The following RSPRY1 variants were observed in gnomAD, a reference collection of about 807,000 sequenced individuals.
The protein encoded by RSPRY1 is ring finger and SPRY domain containing 1.
In RSPRY1, 23 loss-of-function variants were observed where a neutral mutation model predicts 73.1. The observed-to-expected ratio is 0.31, with a 90% CI of 0.23 to 0.45. The LOEUF (loss-of-function observed/expected upper bound fraction) is 0.45. Ranked by LOEUF, RSPRY1 falls within the 20% of genes least tolerant of loss-of-function variation. The pLI, the probability that RSPRY1 is intolerant of heterozygous loss-of-function variation, is 1.00. For synonymous variants in RSPRY1, 226 were observed against 251.4 expected, an observed-to-expected ratio of 0.90 and a Z score of 0.95; for missense variants, 448 against 698.7, an observed-to-expected ratio of 0.64 and a Z score of 4.05.
intron 5 of RSPRY1, among the ~76,000 whole-genome samples, chr16:57,213,323 T>G (rs2074879928): frequency 6.6e-6 from 1 of 152,162 alleles, no homozygotes; most frequent in Non-Finnish European, 1.5e-5. Context: ...AGAAAAAAGT[T>G]GTGCTTATTT....
At chr16:57,225,981 G>A (rs2075114973) in intron 10 of RSPRY1, among the ~76,000 whole-genome samples, 1 of 152,190 alleles carries the variant, frequency 6.6e-6, no homozygotes, top group South Asian at 2.1e-4. Flanking sequence ...AGGAGGCTGA[G>A]GCAGGAGAAT....
intron 1 of RSPRY1, among the ~76,000 whole-genome samples, chr16:57,191,761 G>A (rs765896878): frequency 2.6e-5 from 4 of 152,096 alleles, no homozygotes; most frequent in Non-Finnish European, 5.9e-5. Context: ...AGATTCTCTA[G>A]TCCCCTTTTG....
chr16:57,214,672 C>T (rs1471320757), intron 6 of RSPRY1, among the ~76,000 whole-genome samples: 1 of 152,236 alleles, frequency 6.6e-6, no homozygotes, highest in African/African-American at 2.4e-5. Flanking sequence ...CAAAACTACT[C>T]AGACAAGGTA....
intron 1 of RSPRY1, among the ~76,000 whole-genome samples, chr16:57,201,313 T>A (rs1432919478): frequency 1.2e-4 from 17 of 141,944 alleles, no homozygotes; most frequent in African/African-American, 5.0e-4. Flanking sequence ...GTCTCCTCAC[T>A]TCTCAGACGG....
In RSPRY1 at chr16:57,238,951, C is replaced by G; in HGVS notation, c.1707C>G (p.Ile569Met). The G allele has an allele frequency of 6.2e-7, 1 of 1,603,092 alleles. No individual in the cohort carries two copies. The highest frequency in any genetic ancestry group is 8.5e-7 in the Non-Finnish European group (1 of 1,172,654). Residue 569 changes from isoleucine (I) to methionine (M), a missense_variant, in exon 15 of 15, where the codon ATC (isoleucine) becomes ATG (methionine). Coordinates refer to ENST00000394420, the MANE Select transcript of RSPRY1 (RefSeq NM_133368.3). ...GTCGTAAAGAAATAGTATCTAGAAT[C>G]AGACAGATTTCTCATATTTCATGAC... ...PLCRKEIVSRIRQISHIS is the reference protein window; with the variant it reads ...PLCRKEIVSRMRQISHIS
chr16:57,205,050 T>C (rs1335891892), intron 2 of RSPRY1, 42 bp downstream of exon 2: 4 of 1,486,344 alleles, frequency 2.7e-6, no homozygotes, highest in Non-Finnish European at 3.7e-6. Flanking sequence ...GAATGAAAAG[T>C]GTTCTGCCCG....
At chr16:57,201,690 A>C (rs4503784) in intron 1 of RSPRY1, among the ~76,000 whole-genome samples, 12,677 of 152,106 alleles carry the variant, frequency 0.083, 672 homozygotes, top group East Asian at 0.23. Flanking sequence ...AGTGAACGCG[A>C]CTCCGTCTGC....
chr16:57,224,369 G>A (rs751524635), intron 10 of RSPRY1: 7 of 152,216 alleles, frequency 4.6e-5, no homozygotes, highest in East Asian at 3.8e-4. Context: ...AACAGGAAAC[G>A]GTTGGGATGC....
intron 8 of RSPRY1, among the ~76,000 whole-genome samples, chr16:57,218,383 T>C (rs1008503619): frequency 2.6e-5 from 4 of 152,228 alleles, no homozygotes; most frequent in Admixed American, 1.3e-4. Context: ...AAATATACTA[T>C]AAATTATTGT....
chr16:57,227,980 A>G (rs1275554240), intron 11 of RSPRY1, among the ~76,000 whole-genome samples: 2 of 152,168 alleles, frequency 1.3e-5, no homozygotes, highest in Admixed American at 6.5e-5. Flanking sequence ...TGCTACCCCA[A>G]TCAGCATTAT....
At chr16:57,206,515 A>C (rs1215682503) in intron 2 of RSPRY1, among the ~76,000 whole-genome samples, 2 of 152,214 alleles carry the variant, frequency 1.3e-5, no homozygotes, top group African/African-American at 4.8e-5. Flanking sequence ...ATTTAAGCTC[A>C]TTGGAAAAAT....
chr16:57,228,512 C>T (rs142781787), intron 11 of RSPRY1, among the ~76,000 whole-genome samples: 24 of 151,108 alleles, frequency 1.6e-4, no homozygotes, highest in African/African-American at 5.1e-4. Context: ...AAGGATTATT[C>T]GAGTAATATG....
intron 4 of RSPRY1, among the ~76,000 whole-genome samples, chr16:57,210,874 A>C (rs2074829555): frequency 6.6e-6 from 1 of 150,638 alleles, no homozygotes; most frequent in Admixed American, 6.6e-5. Flanking sequence ...AAAAGTTAAC[A>C]GGGTAACGTG....
intron 10 of RSPRY1, 49 bp from the exon 11 acceptor site, chr16:57,227,293 G>A (rs1266616801): frequency 7.8e-7 from 1 of 1,280,606 alleles, no homozygotes; most frequent in Admixed American, 1.7e-5. Flanking sequence ...TCTGTTCCCA[G>A]GTCAGAGCAG....
intron 1 of RSPRY1, among the ~76,000 whole-genome samples, chr16:57,195,405 G>A (rs1001413843): frequency 1.3e-5 from 2 of 152,118 alleles, no homozygotes; most frequent in African/African-American, 2.4e-5. Context: ...CCAGCTATTC[G>A]GGTGGCCGAG....
intron 7 of RSPRY1, chr16:57,216,635 A>G: frequency 2.4e-6 from 1 of 415,790 alleles, no homozygotes. Context: ...CGGGGGGATC[A>G]CTTGAGCCCA....
At chr16:57,221,965 C>T (rs2075044356) in intron 10 of RSPRY1, among the ~76,000 whole-genome samples, 1 of 152,190 alleles carries the variant, frequency 6.6e-6, no homozygotes, top group South Asian at 2.1e-4. Flanking sequence ...TGGAGTTCCT[C>T]CCTTTCCTAC....
intron 7 of RSPRY1, 123 bp downstream of exon 7, chr16:57,216,296 A>G: frequency 1.4e-6 from 1 of 724,444 alleles, no homozygotes; most frequent in Non-Finnish European, 2.4e-6. Context: ...TTCTGTTTTC[A>G]TCTGGATAGA....
At chr16:57,219,119 A>T (rs1272450134) in intron 8 of RSPRY1, among the ~76,000 whole-genome samples, 3 of 152,180 alleles carry the variant, frequency 2.0e-5, no homozygotes, top group African/African-American at 7.2e-5. Context: ...TGCAATAAAC[A>T]TGCGATTGCA....
Sources: gnomAD v4.1 joint callset for allele counts (sites outside exome capture counted in the v4.1 genomes callset) on GRCh38, gnomAD v4.1.1 for gene constraint, MANE v1.5 for transcripts, NCBI Gene and HGNC (gene_info 2026-07-23, HGNC 2026-07-21) for gene names.